Variants in ESRRG observed in about 807,000 individuals in gnomAD.
ESRRG encodes the protein estrogen-related receptor gamma.
In ESRRG, 13 loss-of-function variants were observed where a neutral mutation model predicts 44.0. The ratio of observed to expected loss-of-function variants is 0.30; its 90% CI spans 0.19 to 0.47. ESRRG has a LOEUF of 0.47. Among genes scored for constraint, ESRRG ranks in the 20% least tolerant of loss-of-function variants. The pLI is 1.00. For missense variants in ESRRG, 395 were observed against 580.6 expected (o/e 0.68, Z 3.29); for synonymous variants, 215 against 214.6 (o/e 1.00, Z -0.02).
chr1:216,598,351 G>A (rs528632531), intron 3 of ESRRG, among the ~76,000 whole-genome samples: 2 of 152,318 alleles, frequency 1.3e-5, no homozygotes, highest in East Asian at 3.9e-4. Context: ...TCTGCAAATA[G>A]ATGTGGCATT....
intron 2 of ESRRG, among the ~76,000 whole-genome samples, chr1:216,873,980 A>C (rs1577499932): frequency 4.1e-5 from 1 of 24,296 alleles, no homozygotes; most frequent in African/African-American, 1.5e-4. Context: ...GAGGGGAGGG[A>C]GGGAGGGGGA....
intron 2 of ESRRG, among the ~76,000 whole-genome samples, chr1:216,782,422 C>T (rs1250700960): frequency 6.6e-6 from 1 of 152,012 alleles, no homozygotes; most frequent in African/African-American, 2.4e-5. Flanking sequence ...TATCAAAATG[C>T]AGGCAAACAT....
chr1:216,550,617 C>T (rs2056007898), intron 5 of ESRRG, among the ~76,000 whole-genome samples: 1 of 152,092 alleles, frequency 6.6e-6, no homozygotes, highest in African/African-American at 2.4e-5. Context: ...GCCCACACCT[C>T]TGAACTGTGC....
chr1:216,884,871 C>T (rs1044151335), intron 2 of ESRRG, among the ~76,000 whole-genome samples: 6 of 152,080 alleles, frequency 3.9e-5, no homozygotes, highest in African/African-American at 1.2e-4. Context: ...GTAAAGAGGC[C>T]GGCCACATTC....
intron 2 of ESRRG, among the ~76,000 whole-genome samples, chr1:216,762,616 TAGTGGGTGCAGCACACC>T (rs2092850013): frequency 6.6e-6 from 1 of 151,500 alleles, no homozygotes; most frequent in South Asian, 2.1e-4. Context: ...GATGAGGAGT[TAGTGGGTGCAGCACACC>T]AGTATGGCAG....
At chr1:216,686,602 A>T (rs1257913194) in intron 1 of ESRRG, among the ~76,000 whole-genome samples, 1 of 151,728 alleles carries the variant, frequency 6.6e-6, no homozygotes, top group Non-Finnish European at 1.5e-5. Flanking sequence ...AAATTTCTAA[A>T]TATAAAATGC....
chr1:217,017,886 C>T (rs1324208019), intron 1 of ESRRG, among the ~76,000 whole-genome samples: 2 of 152,124 alleles, frequency 1.3e-5, no homozygotes, highest in Non-Finnish European at 2.9e-5. Flanking sequence ...TAATCAAACA[C>T]GTTAATATTC....
chr1:216,933,255 C>T (rs147120332), intron 2 of ESRRG, among the ~76,000 whole-genome samples: 7 of 152,100 alleles, frequency 4.6e-5, no homozygotes, highest in African/African-American at 9.7e-5. Flanking sequence ...AGGAAGACAA[C>T]GGCTCCCAAT....
intron 3 of ESRRG, among the ~76,000 whole-genome samples, chr1:216,569,110 AAG>A (rs2060229628): frequency 8.6e-6 from 1 of 116,456 alleles, no homozygotes; most frequent in Admixed American, 9.0e-5. Flanking sequence ...GGAAGGAAGG[AAG>A]AAGGAAGGAA....
chr1:217,128,605 A>G (rs973820551), intron 1 of ESRRG, among the ~76,000 whole-genome samples: 1 of 152,202 alleles, frequency 6.6e-6, no homozygotes, highest in Non-Finnish European at 1.5e-5. Flanking sequence ...AAAAAAAATA[A>G]CTACTGTCAT....
intron 2 of ESRRG, among the ~76,000 whole-genome samples, chr1:216,750,522 C>A (rs567115254): frequency 1.3e-5 from 2 of 152,172 alleles, no homozygotes; most frequent in Admixed American, 1.3e-4. Context: ...CCTTACTGAT[C>A]TTCTTTCTAA....
At chr1:216,743,135 A>T (rs1305911192) in intron 2 of ESRRG, among the ~76,000 whole-genome samples, 4 of 152,222 alleles carry the variant, frequency 2.6e-5, no homozygotes, top group Non-Finnish European at 5.9e-5. Flanking sequence ...TGCTAGCTGT[A>T]CTACAGGTCC....
chr1:216,827,001 T>C (rs2095409095), intron 2 of ESRRG, among the ~76,000 whole-genome samples: 2 of 152,138 alleles, frequency 1.3e-5, no homozygotes, highest in Admixed American at 1.3e-4. Flanking sequence ...ATCACAGACA[T>C]TGATACAGAA....
chr1:216,865,075 C>T (rs1384656488), intron 2 of ESRRG: 2 of 151,006 alleles, frequency 1.3e-5, no homozygotes, highest in Non-Finnish European at 2.9e-5. Context: ...TTCCCTTTCT[C>T]AGTGGATCTG....
intron 1 of ESRRG, among the ~76,000 whole-genome samples, chr1:216,990,960 T>C (rs1038402808): frequency 2.0e-5 from 3 of 151,992 alleles, no homozygotes; most frequent in African/African-American, 7.3e-5. Flanking sequence ...CCACCCCATA[T>C]ACATCCATGG....
rs1488562769 is a variant in ESRRG at position 216,504,899 on chromosome 1, G to A, written c.*2040C>T. The A allele has an allele frequency of 6.6e-6, 1 of 152,476 alleles. No individual in the cohort carries two copies. Among genetic ancestry groups the A allele is most frequent in the Non-Finnish European group, 1.5e-5 (1 of 68,014 alleles). 9.4% of individuals were successfully genotyped at this position (152,476 alleles called of 1,614,324 possible). A position where few individuals can be genotyped will look rare whatever the true frequency, so the allele number is the denominator to read the frequency against. ...TTAGGAAGAACCTTATTACTGGTAA[G>A]GAATAGAATATACTACTGTAGTCTC... On this transcript the variant is annotated 3_prime_UTR_variant, in exon 7 of 7. Coordinates refer to ENST00000408911, the MANE Select transcript of ESRRG (RefSeq NM_001438.4).
At chr1:216,930,335 A>G (rs990865998) in intron 2 of ESRRG, among the ~76,000 whole-genome samples, 1 of 152,124 alleles carries the variant, frequency 6.6e-6, no homozygotes. Flanking sequence ...GCCCTCCCCC[A>G]TGAATACCAG....
At chr1:216,561,147 C>A (rs764777695) in intron 5 of ESRRG, among the ~76,000 whole-genome samples, 1 of 151,910 alleles carries the variant, frequency 6.6e-6, no homozygotes, top group Non-Finnish European at 1.5e-5. Context: ...TAAAAAAAAC[C>A]TATTCCATAT....
intron 1 of ESRRG, among the ~76,000 whole-genome samples, chr1:216,981,695 A>C (rs1036847709): frequency 2.0e-5 from 3 of 146,364 alleles, no homozygotes; most frequent in African/African-American, 4.9e-5. Context: ...GAACCTAAAG[A>C]GTTAAACACA....
Sources: gnomAD v4.1 joint callset for allele counts (sites outside exome capture counted in the v4.1 genomes callset) on GRCh38, gnomAD v4.1.1 for gene constraint, MANE v1.5 for transcripts, NCBI Gene and HGNC (gene_info 2026-07-23, HGNC 2026-07-21) for gene names.